Variants in SLC25A21 observed in about 807,000 individuals in gnomAD.
The protein encoded by SLC25A21 is solute carrier family 25 member 21.
A neutral mutation model predicts 43.8 loss-of-function variants in SLC25A21; 47 were observed. That is an observed-to-expected ratio of 1.07 (90% confidence interval 0.85 to 1.37). The LOEUF (loss-of-function observed/expected upper bound fraction) is 1.37, where lower values mean the gene tolerates loss of function less well. Among genes scored for constraint, SLC25A21 ranks in the 40% most tolerant of loss-of-function variants. The probability of loss-of-function intolerance (pLI) is 0.00; values close to 1 mark genes in which losing one functional copy is unlikely to be tolerated. For missense variants in SLC25A21, 352 were observed against 350.2 expected, an observed-to-expected ratio of 1.00 and a Z score of -0.04; for synonymous variants, 131 against 121.3, an observed-to-expected ratio of 1.08 and a Z score of -0.52.
chr14:36,717,524 G>A (rs576393232), intron 6 of SLC25A21, among the ~76,000 whole-genome samples: 1 of 152,328 alleles, frequency 6.6e-6, no homozygotes, highest in African/African-American at 2.4e-5. Flanking sequence ...AGCCCTGGAG[G>A]AGCACGGCAC....
intron 6 of SLC25A21, among the ~76,000 whole-genome samples, chr14:36,715,456 A>G (rs1884085813): frequency 6.6e-6 from 1 of 152,236 alleles, no homozygotes; most frequent in African/African-American, 2.4e-5. Flanking sequence ...ACTGATTAGC[A>G]TCATCAGCCA....
intron 1 of SLC25A21, among the ~76,000 whole-genome samples, chr14:36,987,414 AAATTT>A (rs1228703950): frequency 1.3e-5 from 2 of 152,212 alleles, no homozygotes; most frequent in African/African-American, 2.4e-5. Flanking sequence ...ATTTTAGAAA[AAATTT>A]AAATGTACAA....
chr14:36,698,342 A>C (rs1177654621), intron 7 of SLC25A21, among the ~76,000 whole-genome samples: 1 of 152,136 alleles, frequency 6.6e-6, no homozygotes, highest in Non-Finnish European at 1.5e-5. Context: ...GGCTGCCCTT[A>C]ACACCTTTTC....
chr14:36,895,795 G>A (rs981055365), intron 1 of SLC25A21, among the ~76,000 whole-genome samples: 7 of 152,136 alleles, frequency 4.6e-5, no homozygotes. Flanking sequence ...ATTTCGTTAT[G>A]TACCCAGTAG....
intron 3 of SLC25A21, among the ~76,000 whole-genome samples, chr14:36,799,075 T>C (rs1482870012): frequency 1.3e-5 from 2 of 152,174 alleles, no homozygotes; most frequent in Non-Finnish European, 2.9e-5. Flanking sequence ...ACTCCCTTTG[T>C]TCTATACAAT....
chr14:36,789,933 T>C (rs1189059293), intron 3 of SLC25A21, among the ~76,000 whole-genome samples: 1 of 126,636 alleles, frequency 7.9e-6, no homozygotes, highest in Non-Finnish European at 1.6e-5. Flanking sequence ...TTATATATTA[T>C]ATATAAATAT....
In SLC25A21 at chr14:36,696,422, T is replaced by C. The variant is rs535914055; in HGVS notation, c.604-11497A>G. Reference sequence around the variant, plus strand: ...TGGTATCAGGATGATGCTGGCCTCATAAAATGCGTTAGGGAGGATTCCCTC... The same window carrying C: ...TGGTATCAGGATGATGCTGGCCTCACAAAATGCGTTAGGGAGGATTCCCTC... On this transcript the variant is annotated intron_variant, in intron 7 of 9. Transcript: ENST00000331299. Among the ~76,000 whole-genome samples the C allele has an allele frequency of 2.2e-4, 33 of 152,332 alleles. No individual in the cohort carries two copies. The East Asian group carries it at 6.0e-3, about 28-fold the overall frequency.
chr14:37,167,223 A>T (rs1228222935), intron 1 of SLC25A21, among the ~76,000 whole-genome samples: 1 of 152,178 alleles, frequency 6.6e-6, no homozygotes, highest in African/African-American at 2.4e-5. Context: ...ACCAAGAAAG[A>T]TTTCACTTGC....
intron 6 of SLC25A21, among the ~76,000 whole-genome samples, chr14:36,718,407 A>C (rs1017186525): frequency 1.3e-5 from 2 of 152,218 alleles, no homozygotes; most frequent in African/African-American, 2.4e-5. Context: ...AAAAATTTGA[A>C]CTTAACCCAA....
intron 3 of SLC25A21, among the ~76,000 whole-genome samples, chr14:36,773,186 G>GGA (rs2138361213): frequency 6.8e-6 from 1 of 147,944 alleles, no homozygotes; most frequent in East Asian, 2.0e-4. Flanking sequence ...TTTCGAGAAG[G>GGA]AAAAAAAAAA....
At chr14:36,838,078 C>T (rs1004395494) in intron 2 of SLC25A21, among the ~76,000 whole-genome samples, 5 of 152,074 alleles carry the variant, frequency 3.3e-5, no homozygotes, top group Non-Finnish European at 7.4e-5. Context: ...AATCTTGTAC[C>T]GGAAACACCC....
Position 36,679,440 on chromosome 14 carries a change from C to G in SLC25A21, c.*1218G>C, listed in dbSNP as rs1229687248. The G allele has an allele frequency of 8.7e-5, 86 of 985,242 alleles. No homozygotes were observed. Among genetic ancestry groups the G allele is most frequent in the Non-Finnish European group, 1.0e-4 (86 of 829,890 alleles). 61.0% of individuals were successfully genotyped at this position (985,242 alleles called of 1,614,324 possible). On this transcript the variant is annotated 3_prime_UTR_variant, in exon 10 of 10. Transcript: ENST00000331299. ...TAGTAGAAATAGCCCACGGTAGTAA[C>G]TTAGGACAGGTGTCATATGGACTTT...
chr14:37,083,663 C>G (rs1255371546), intron 1 of SLC25A21, among the ~76,000 whole-genome samples: 1 of 152,194 alleles, frequency 6.6e-6, no homozygotes. Flanking sequence ...CAGTGCTACT[C>G]AAAGTCTGGT....
chr14:36,779,609 C>CATATATATATATATATAT (rs35392668), intron 3 of SLC25A21, among the ~76,000 whole-genome samples: 6 of 122,482 alleles, frequency 4.9e-5, no homozygotes, highest in Non-Finnish European at 1.0e-4. Context: ...TATGTGTATA[C>CATATATATATATATATAT]ATATATATAT....
At chr14:37,035,257 C>T (rs1961302463) in intron 1 of SLC25A21, among the ~76,000 whole-genome samples, 1 of 152,202 alleles carries the variant, frequency 6.6e-6, no homozygotes, top group African/African-American at 2.4e-5. Context: ...TCTAGCGCTG[C>T]TTACTAGTCC....
chr14:37,012,163 G>A (rs902165092), intron 1 of SLC25A21, among the ~76,000 whole-genome samples: 1 of 152,072 alleles, frequency 6.6e-6, no homozygotes, highest in Non-Finnish European at 1.5e-5. Context: ...CCACATATGA[G>A]TGACATCAAA....
At chr14:36,734,008 TA>T (rs1884933037) in intron 4 of SLC25A21, among the ~76,000 whole-genome samples, 1 of 152,042 alleles carries the variant, frequency 6.6e-6, no homozygotes, top group African/African-American at 2.4e-5. Flanking sequence ...CAGAGGAGAC[TA>T]AGGGGGAAAA....
intron 1 of SLC25A21, among the ~76,000 whole-genome samples, chr14:37,159,672 G>A (rs1352132981): frequency 6.6e-6 from 1 of 151,950 alleles, no homozygotes; most frequent in East Asian, 1.9e-4. Context: ...TTTCAGCAAG[G>A]AATTTATGAC....
At chr14:37,099,593 C>T (rs891061996) in intron 1 of SLC25A21, among the ~76,000 whole-genome samples, 2 of 152,030 alleles carry the variant, frequency 1.3e-5, no homozygotes, top group East Asian at 1.9e-4. Context: ...ATGTTCCCCC[C>T]GCCACCGACT....
Sources: gnomAD v4.1 joint callset for allele counts (sites outside exome capture counted in the v4.1 genomes callset) on GRCh38, gnomAD v4.1.1 for gene constraint, MANE v1.5 for transcripts, NCBI Gene and HGNC (gene_info 2026-07-23, HGNC 2026-07-21) for gene names.